Variants in GLRA2 observed in about 807,000 individuals in gnomAD.
The protein encoded by GLRA2 is glycine receptor alpha 2, also known as glycine receptor subunit alpha-2.
GLRA2 carries 11 observed loss-of-function variants against 31.6 expected under a neutral mutation model. That is an observed-to-expected ratio of 0.35 (90% CI 0.22 to 0.58). The LOEUF (loss-of-function observed/expected upper bound fraction) is 0.58. GLRA2 is among the 20% of genes least tolerant of loss of function. The pLI, the probability that GLRA2 is intolerant of heterozygous loss-of-function variation, is 0.84. For synonymous variants in GLRA2, 132 were observed against 134.0 expected (o/e 0.99, Z 0.10); for missense variants, 212 against 351.8 (o/e 0.60, Z 3.18).
intron 8 of GLRA2, among the ~76,000 whole-genome samples, chrX:14,717,740 TA>T (rs199836154): frequency 0.025 from 1,987 of 78,159 alleles, 37 homozygotes; most frequent in South Asian, 0.17. Context: ...TTCTGTAAAG[TA>T]AAAAAAAAAA....
At chrX:14,543,882 TATC>T (rs1340655522) in intron 2 of GLRA2, among the ~76,000 whole-genome samples, 3 of 111,911 alleles carry the variant, frequency 2.7e-5, no homozygotes, top group African/African-American at 9.7e-5. Context: ...ACAGATTCCT[TATC>T]ATGAGTAACA....
chrX:14,627,299 T>G (rs1366441554), intron 7 of GLRA2, among the ~76,000 whole-genome samples: 1 of 111,300 alleles, frequency 9.0e-6, no homozygotes, highest in Non-Finnish European at 1.9e-5. Flanking sequence ...CATATATTAT[T>G]TAATCTTCTC....
chrX:14,464,966 T>A, the GLRA2 span, among the ~76,000 whole-genome samples: 1 of 112,325 alleles, frequency 8.9e-6, no homozygotes, highest in African/African-American at 3.2e-5. Flanking sequence ...TTCCCAGAAT[T>A]GCTTTGACTA....
the GLRA2 span, among the ~76,000 whole-genome samples, chrX:14,477,857 C>T: frequency 9.0e-6 from 1 of 110,825 alleles, no homozygotes; most frequent in African/African-American, 3.3e-5. Flanking sequence ...ATCCTCCTGG[C>T]AACGATTTTC....
chrX:14,482,736 T>C, the GLRA2 span, among the ~76,000 whole-genome samples: 1 of 110,995 alleles, frequency 9.0e-6, no homozygotes, highest in African/African-American at 3.3e-5. Context: ...TTAATCATTA[T>C]CATAATTGTC....
At chrX:14,457,980 C>T in the GLRA2 span, among the ~76,000 whole-genome samples, 2 of 110,375 alleles carry the variant, frequency 1.8e-5, no homozygotes, top group Middle Eastern at 4.7e-3. Context: ...CCCATTAACT[C>T]GTCATTTAAC....
chrX:14,506,649 C>T, the GLRA2 span, among the ~76,000 whole-genome samples: 1 of 111,435 alleles, frequency 9.0e-6, no homozygotes, highest in Admixed American at 9.5e-5. Flanking sequence ...ATTCCCACTT[C>T]ATTAGGCCTC....
At chrX:14,541,156 A>G (rs1260220905) in intron 2 of GLRA2, among the ~76,000 whole-genome samples, 1 of 111,928 alleles carries the variant, frequency 8.9e-6, no homozygotes, top group South Asian at 3.8e-4. Context: ...GGATTTGAGC[A>G]GAAGATTTAA....
intron 2 of GLRA2, among the ~76,000 whole-genome samples, chrX:14,566,649 G>A (rs1187374845): frequency 9.0e-6 from 1 of 111,701 alleles, no homozygotes; most frequent in Non-Finnish European, 1.9e-5. Flanking sequence ...CTGAATGGTA[G>A]CCAGAGGTAA....
At chrX:14,517,754 C>T in the GLRA2 span, among the ~76,000 whole-genome samples, 5 of 110,580 alleles carry the variant, frequency 4.5e-5, no homozygotes, top group Admixed American at 3.9e-4. Flanking sequence ...TATTTCTATT[C>T]TAAGATAAAA....
chrX:14,534,517 AT>A (rs1006056081), intron 2 of GLRA2, among the ~76,000 whole-genome samples: 5 of 110,141 alleles, frequency 4.5e-5, no homozygotes, highest in Non-Finnish European at 9.5e-5. Context: ...GACTACAATA[AT>A]TTTTTCTTGA....
chrX:14,663,000 T>C (rs2091006604), intron 7 of GLRA2, among the ~76,000 whole-genome samples: 1 of 111,952 alleles, frequency 8.9e-6, no homozygotes, highest in African/African-American at 3.2e-5. Flanking sequence ...ATATTTATAC[T>C]AGTAGTAGTA....
chrX:14,502,948 G>A, the GLRA2 span, among the ~76,000 whole-genome samples: 1 of 109,000 alleles, frequency 9.2e-6, no homozygotes, highest in East Asian at 2.9e-4. Flanking sequence ...TAGAGTCTGA[G>A]AGCAGAAATA....
At chrX:14,472,663 A>G in the GLRA2 span, among the ~76,000 whole-genome samples, 1 of 111,645 alleles carries the variant, frequency 9.0e-6, no homozygotes, top group African/African-American at 3.3e-5. Context: ...TAGTTTGCTG[A>G]GAATAATGGC....
the GLRA2 span, among the ~76,000 whole-genome samples, chrX:14,479,986 C>T: frequency 1.8e-5 from 2 of 111,906 alleles, no homozygotes; most frequent in Non-Finnish European, 3.8e-5. Context: ...TTTACGTTCC[C>T]ATCAACAGTG....
chrX:14,520,285 A>T, the GLRA2 span, among the ~76,000 whole-genome samples: 1 of 112,516 alleles, frequency 8.9e-6, no homozygotes, highest in South Asian at 3.6e-4. Flanking sequence ...AGAAGATTCT[A>T]AGACAAGTGC....
chrX:14,484,882 C>G, the GLRA2 span, among the ~76,000 whole-genome samples: 1 of 111,883 alleles, frequency 8.9e-6, no homozygotes, highest in Admixed American at 9.5e-5. Context: ...ATGTTCATTT[C>G]GGTAAATACC....
At chrX:14,671,593 AG>A (rs1290648080) in intron 7 of GLRA2, among the ~76,000 whole-genome samples, 1 of 111,765 alleles carries the variant, frequency 8.9e-6, no homozygotes, top group Non-Finnish European at 1.9e-5. Context: ...TCCATGGTTG[AG>A]GACTGCCCCT....
chrX:14,660,583 G>A (rs2090981636), intron 7 of GLRA2, among the ~76,000 whole-genome samples: 1 of 111,458 alleles, frequency 9.0e-6, no homozygotes, highest in Non-Finnish European at 1.9e-5. Flanking sequence ...GTGAACAAGG[G>A]AGGGAGCAAG....
Sources: allele counts gnomAD v4.1 joint callset (sites outside exome capture counted in the v4.1 genomes callset), GRCh38; gene constraint gnomAD v4.1.1; transcripts MANE v1.5; gene names NCBI Gene and HGNC (gene_info 2026-07-23, HGNC 2026-07-21).